NEK1: variants seen among roughly 807,000 people sequenced by gnomAD.
NEK1 encodes the protein serine/threonine-protein kinase Nek1.
A neutral mutation model predicts 182.1 loss-of-function variants in NEK1; 137 were observed. The ratio of observed to expected loss-of-function variants is 0.75; its 90% CI spans 0.65 to 0.87. The LOEUF (loss-of-function observed/expected upper bound fraction) is 0.87, where lower values mean the gene tolerates loss of function less well. NEK1 is among the 40% of genes least tolerant of loss of function. The pLI is 0.00. For missense variants in NEK1, 1,391 were observed against 1,494.4 expected, an observed-to-expected ratio of 0.93 and a Z score of 1.14; for synonymous variants, 513 against 492.2, an observed-to-expected ratio of 1.04 and a Z score of -0.56.
intron 19 of NEK1, among the ~76,000 whole-genome samples, chr4:169,518,381 T>G (rs1183252098): frequency 7.4e-6 from 1 of 135,838 alleles, no homozygotes; most frequent in Non-Finnish European, 1.5e-5. Flanking sequence ...TTGTGTCTAT[T>G]TGATTCTTCT....
chr4:169,473,444 G>A (rs1398972627), intron 26 of NEK1, among the ~76,000 whole-genome samples: 1 of 151,984 alleles, frequency 6.6e-6, no homozygotes, highest in Admixed American at 6.6e-5. Flanking sequence ...ACTATTTTGA[G>A]TGGTAGGTAC....
chr4:169,565,845 C>T (rs1226180452), intron 12 of NEK1, among the ~76,000 whole-genome samples: 1 of 152,042 alleles, frequency 6.6e-6, no homozygotes, highest in Non-Finnish European at 1.5e-5. Context: ...AAAGGATTTC[C>T]CTTGGGGTGA....
intron 16 of NEK1, among the ~76,000 whole-genome samples, chr4:169,556,590 T>C (rs1032298359): frequency 1.1e-4 from 16 of 152,072 alleles, no homozygotes; most frequent in Non-Finnish European, 2.2e-4. Context: ...TATATGTATA[T>C]AAAAGAGGCA....
chr4:169,438,191 G>C lies in NEK1; in HGVS notation c.2656C>G (p.His886Asp). 1 of 1,591,708 alleles carries C rather than the reference G, an allele frequency of 6.3e-7. No homozygotes were observed. Among genetic ancestry groups the C allele is most frequent in the Non-Finnish European group, 8.6e-7 (1 of 1,166,988 alleles). The change falls in exon 28 of 36, where the codon CAT (histidine) becomes GAT (aspartate). Residue 886 changes from histidine to aspartate, a missense_variant. His to Asp is a moderately conservative substitution (Grantham distance 81). Around this residue, in one of 5 missense-constraint regions of NEK1, gnomAD observed 1,216 missense variants for 1,277.6 expected, o/e 0.95. Coordinates refer to ENST00000507142, the MANE Select transcript of NEK1 (RefSeq NM_001199397.3). Reference sequence around the variant, plus strand: ...ACAATAGCTGATGGGTTTATTTCATGTGAAATACATTGTACTTTTTTTTCT... The same window carrying C: ...ACAATAGCTGATGGGTTTATTTCATCTGAAATACATTGTACTTTTTTTTCT... ...TGEKKVQCIS[H>D]EINPSAIVDS...
chr4:169,515,770 G>A (rs1755131161), intron 19 of NEK1, among the ~76,000 whole-genome samples: 2 of 49,368 alleles, frequency 4.1e-5, no homozygotes, highest in African/African-American at 8.1e-5. Context: ...TTTTGTTCTT[G>A]CGATAGTTTA....
Position 169,400,287 on chromosome 4 carries a change from T to A in NEK1, c.3785A>T (p.Glu1262Val). The stretch of plus-strand genomic sequence containing the variant: ...AATCTTGGCATAAAGATGCTGATGT[T>A]CATTTCCCAAAATATTTTGAACTAT... Reference protein sequence around the residue: ...SKIVQNILGNEHQHLYAKILH... With the variant: ...SKIVQNILGNVHQHLYAKILH... Residue 1262 changes from glutamate to valine, a missense_variant, in exon 35 of 36, where the codon GAA (glutamate) becomes GTA (valine). This residue lies in a region of NEK1 where 1,216 missense variants were observed against 1,277.6 expected (regional missense o/e 0.95). Coordinates refer to ENST00000507142, the MANE Select transcript of NEK1 (RefSeq NM_001199397.3). The A allele has an allele frequency of 6.4e-7, 1 of 1,563,918 alleles. No individual in the cohort carries two copies.
intron 23 of NEK1, among the ~76,000 whole-genome samples, chr4:169,484,662 T>G (rs938398266): frequency 1.3e-5 from 2 of 152,122 alleles, no homozygotes; most frequent in Non-Finnish European, 2.9e-5. Flanking sequence ...GGGGCACCAG[T>G]GAGAACAGCC....
In NEK1 at chr4:169,603,233, G is replaced by A. The variant is rs189033119; in HGVS notation, c.-48-555C>T. Among the ~76,000 whole-genome samples the A allele has an allele frequency of 1.3e-3, 201 of 152,188 alleles. 2 individuals carry two copies. Among genetic ancestry groups the A allele is most frequent in the Non-Finnish European group, 3.7e-4 (25 of 67,994 alleles). ...TCTTAACAGAACTGTCTACTAATAC[G>A]TATTTAGCCAGTAGTGCCTGCTACT... On this transcript the variant is annotated intron_variant, in intron 2 of 35. Coordinates refer to ENST00000507142, the MANE Select transcript of NEK1 (RefSeq NM_001199397.3).
At chr4:169,495,904 G>A (rs556135558) in intron 23 of NEK1, among the ~76,000 whole-genome samples, 8 of 151,944 alleles carry the variant, frequency 5.3e-5, no homozygotes, top group Admixed American at 1.3e-4. Context: ...TTGGTTCCAT[G>A]TGAACTTTAA....
At chr4:169,439,133 A>C (rs1738956163) in intron 27 of NEK1, among the ~76,000 whole-genome samples, 1 of 152,198 alleles carries the variant, frequency 6.6e-6, no homozygotes, top group Non-Finnish European at 1.5e-5. Flanking sequence ...TCCTCAACTT[A>C]TTGTATTCAA....
At chr4:169,559,730 C>CT (rs1762631203) in intron 16 of NEK1, among the ~76,000 whole-genome samples, 2 of 152,144 alleles carry the variant, frequency 1.3e-5, no homozygotes, top group African/African-American at 4.8e-5. Flanking sequence ...TTGACTTAGG[C>CT]TGGGCACGGT....
intron 33 of NEK1, 117 bp downstream of exon 33, chr4:169,401,535 C>T (rs905536894): frequency 1.4e-6 from 1 of 695,412 alleles, no homozygotes. Context: ...GACCCAGAGG[C>T]ATGCTTCAGT....
chr4:169,597,307 T>A (rs2150121947), intron 5 of NEK1, among the ~76,000 whole-genome samples: 1 of 152,226 alleles, frequency 6.6e-6, no homozygotes, highest in African/African-American at 2.4e-5. Flanking sequence ...GAGCAAGAAC[T>A]CAAACCCATG....
intron 12 of NEK1, among the ~76,000 whole-genome samples, chr4:169,566,840 A>T (rs1763764234): frequency 6.6e-6 from 1 of 152,216 alleles, no homozygotes. Context: ...GTGGTGGCTC[A>T]TGCCTGTAAT....
At chr4:169,446,247 C>T (rs1004502413) in intron 27 of NEK1, among the ~76,000 whole-genome samples, 4 of 151,530 alleles carry the variant, frequency 2.6e-5, no homozygotes, top group Non-Finnish European at 5.9e-5. Flanking sequence ...CAAAAGTTGG[C>T]GTTTTGAAAA....
intron 19 of NEK1, among the ~76,000 whole-genome samples, chr4:169,529,285 A>G (rs1757332592): frequency 7.9e-6 from 1 of 127,206 alleles, no homozygotes; most frequent in South Asian, 2.5e-4. Context: ...ATTATGTATC[A>G]ATAAAAATTT....
intron 23 of NEK1, among the ~76,000 whole-genome samples, chr4:169,497,414 C>T (rs1751543726): frequency 1.3e-5 from 2 of 152,228 alleles, no homozygotes; most frequent in Non-Finnish European, 2.9e-5. Flanking sequence ...TTCAGTTCTG[C>T]TCTGATCTTA....
chr4:169,567,542 A>C (rs1763914607), intron 12 of NEK1, among the ~76,000 whole-genome samples: 1 of 152,130 alleles, frequency 6.6e-6, no homozygotes, highest in African/African-American at 2.4e-5. Context: ...CCAGATTACA[A>C]GCACATGTCA....
intron 18 of NEK1, among the ~76,000 whole-genome samples, chr4:169,546,086 T>C (rs922909880): frequency 7.2e-5 from 11 of 152,266 alleles, no homozygotes; most frequent in Admixed American, 3.9e-4. Flanking sequence ...AGGGTGTCAA[T>C]TGTAGATCTT....
Sources: gnomAD v4.1 joint callset for allele counts (sites outside exome capture counted in the v4.1 genomes callset) on GRCh38, gnomAD v4.1.1 for gene constraint, gnomAD v4.1.1 regional missense constraint, MANE v1.5 for transcripts, NCBI Gene and HGNC (gene_info 2026-07-23, HGNC 2026-07-21) for gene names.